Variants in HERC2 observed in about 807,000 individuals in gnomAD.
The protein encoded by HERC2 is HECT and RLD domain containing E3 ubiquitin protein ligase 2.
A neutral mutation model predicts 537.7 loss-of-function variants in HERC2; 102 were observed. That is an observed-to-expected ratio of 0.19 (90% CI 0.16 to 0.22). The LOEUF is 0.22. Ranked by LOEUF, HERC2 falls within the 10% of genes least tolerant of loss-of-function variation. The probability of loss-of-function intolerance (pLI) is 1.00; values close to 1 mark genes in which losing one functional copy is unlikely to be tolerated. For synonymous variants in HERC2, 2,224 were observed against 2,466.2 expected, an observed-to-expected ratio of 0.90 and a Z score of 2.91; for missense variants, 4,236 against 6,198.2, an observed-to-expected ratio of 0.68 and a Z score of 10.63.
intron 4 of HERC2, among the ~76,000 whole-genome samples, chr15:28,283,793 G>A (rs2076084518): frequency 6.6e-6 from 1 of 152,216 alleles, no homozygotes; most frequent in Non-Finnish European, 1.5e-5. Context: ...GAACGTCAAG[G>A]GAGGTAGTTT....
intron 21 of HERC2, among the ~76,000 whole-genome samples, chr15:28,248,098 C>T (rs767514114): frequency 8.6e-4 from 131 of 152,126 alleles, no homozygotes; most frequent in Non-Finnish European, 7.2e-4. Flanking sequence ...GTCTTTGGCC[C>T]CATTAGACTT....
At chr15:28,289,789 A>G (rs1198206346) in intron 4 of HERC2, among the ~76,000 whole-genome samples, 1 of 152,248 alleles carries the variant, frequency 6.6e-6, no homozygotes, top group African/African-American at 2.4e-5. Context: ...ACAAAAGGGA[A>G]ACACTGCACA....
intron 56 of HERC2, among the ~76,000 whole-genome samples, chr15:28,185,882 A>G (rs1896260545): frequency 6.6e-6 from 1 of 152,208 alleles, no homozygotes; most frequent in Non-Finnish European, 1.5e-5. Context: ...TGTTCATCAC[A>G]GTGTTCCCAG....
rs528413944 is a variant in HERC2 at position 28,177,223 on chromosome 15, C to A, written c.9255-96G>T. On this transcript the variant is annotated intron_variant, in intron 60 of 92. Transcript: ENST00000261609. This position sits in a 1 kb window ranked among gnomAD's most constrained non-coding sequence, Gnocchi z 5.0. ...TATACTGATCCACATGTAGTCAACACAGGATCCACAGATCAACTATCAAAA... is the reference window on the plus strand; with the variant it reads ...TATACTGATCCACATGTAGTCAACAAAGGATCCACAGATCAACTATCAAAA... The A allele has an allele frequency of 2.4e-4, 305 of 1,294,280 alleles. No homozygotes were observed. Among genetic ancestry groups the A allele is most frequent in the Middle Eastern group, 4.1e-4 (2 of 4,920 alleles). 80.2% of individuals were successfully genotyped at this position (1,294,280 alleles called of 1,614,324 possible).
intron 66 of HERC2, 47 bp from the exon 67 acceptor site, chr15:28,168,637 C>A (rs1198360035): frequency 1.3e-6 from 2 of 1,561,152 alleles, no homozygotes; most frequent in South Asian, 1.2e-5. Context: ...CCCTTCTCCA[C>A]TGCAGCACAG....
At chr15:28,273,724 G>C (rs979697194) in intron 7 of HERC2, among the ~76,000 whole-genome samples, 9 of 152,178 alleles carry the variant, frequency 5.9e-5, no homozygotes, top group South Asian at 2.1e-4. Context: ...AGTGAGGAGT[G>C]GCCTCACTTT....
At chr15:28,195,393 G>A (rs1252359972) in intron 52 of HERC2, among the ~76,000 whole-genome samples, 1 of 152,030 alleles carries the variant, frequency 6.6e-6, no homozygotes. Flanking sequence ...CCTAGGAGGC[G>A]GAGGTTGCAC....
intron 52 of HERC2, among the ~76,000 whole-genome samples, chr15:28,195,446 C>T (rs753761512): frequency 2.0e-5 from 3 of 152,046 alleles, no homozygotes; most frequent in Non-Finnish European, 4.4e-5. Flanking sequence ...GGGCGACAGA[C>T]TGAGACTCTG....
At position 28,272,397 on chromosome 15, in the gene HERC2, A is replaced by G. The variant is rs754588239; in HGVS notation, c.912-11T>C. On this transcript the variant is annotated splice_polypyrimidine_tract_variant and intron_variant, in intron 8 of 92. Transcript: ENST00000261609. ...GCAGACAACATTTGGCTAAAGGAGAAAAGATATTTATTCTAGTAAAAACAG... is the reference window on the plus strand; with the variant it reads ...GCAGACAACATTTGGCTAAAGGAGAGAAGATATTTATTCTAGTAAAAACAG... The G allele has an allele frequency of 1.2e-6, 2 of 1,606,786 alleles. No homozygotes were observed. The highest frequency in any genetic ancestry group is 1.1e-5 in the South Asian group (1 of 89,926).
intron 19 of HERC2, among the ~76,000 whole-genome samples, chr15:28,255,287 A>C (rs368533682): frequency 9.8e-4 from 150 of 152,294 alleles, no homozygotes; most frequent in African/African-American, 3.5e-3. Flanking sequence ...GTGAGCCAAC[A>C]TCAGGTCACT....
intron 4 of HERC2, among the ~76,000 whole-genome samples, chr15:28,281,503 T>C (rs1298911366): frequency 6.6e-6 from 1 of 152,086 alleles, no homozygotes; most frequent in Non-Finnish European, 1.5e-5. Flanking sequence ...TGCCTCCCCT[T>C]GTGCAGAAGA....
Position 28,268,759 on chromosome 15 carries a change from C to T in HERC2, c.1447-143G>A. ...AAGTCTCTGGGAACTACGGGGCCGG[C>T]TCTCCAGCCCTTCCCACCCAGCAGC... On this transcript the variant is annotated intron_variant, in intron 11 of 92. Coordinates refer to ENST00000261609, the MANE Select transcript of HERC2 (RefSeq NM_004667.6). This position sits in a 1 kb window ranked among gnomAD's most constrained non-coding sequence, Gnocchi z 4.7. 1 of 688,026 alleles carries T rather than the reference C, an allele frequency of 1.5e-6. No homozygotes were observed. Among genetic ancestry groups the T allele is most frequent in the Non-Finnish European group, 2.4e-6 (1 of 409,416 alleles). 42.6% of individuals were successfully genotyped at this position (688,026 alleles called of 1,614,324 possible). A position where few individuals can be genotyped will look rare whatever the true frequency, so the allele number is the denominator to read the frequency against.
chr15:28,152,857 A>C, intron 69 of HERC2, 27 bp from the exon 70 acceptor site: 1 of 1,552,932 alleles, frequency 6.4e-7, no homozygotes, highest in Non-Finnish European at 8.7e-7. Context: ...GACATGAATG[A>C]GGGGGCCAAC....
In HERC2 at chr15:28,168,029, G is replaced by A. The variant is rs150817329; in HGVS notation, c.10414-202C>T. Reference sequence around the variant, plus strand: ...GCCTAGGACAGTTTTGCAAAGTCAAGCACATTCATATTTTCAAGAATAACT... The same window carrying A: ...GCCTAGGACAGTTTTGCAAAGTCAAACACATTCATATTTTCAAGAATAACT... On this transcript the variant is annotated intron_variant, in intron 67 of 92. Transcript: ENST00000261609. Among the ~76,000 whole-genome samples, 39 of 152,262 alleles carry A rather than the reference G, an allele frequency of 2.6e-4. No individual in the cohort carries two copies. In the East Asian group the frequency reaches 7.5e-3, roughly 29 times the overall value.
chr15:28,301,163 C>T (rs1427316084), intron 2 of HERC2, among the ~76,000 whole-genome samples: 1 of 151,878 alleles, frequency 6.6e-6, no homozygotes, highest in Non-Finnish European at 1.5e-5. Context: ...GCCTATAATC[C>T]TAGCATTTTG....
chr15:28,295,847 T>G (rs1033781945), intron 3 of HERC2, among the ~76,000 whole-genome samples: 1 of 152,170 alleles, frequency 6.6e-6, no homozygotes, highest in African/African-American at 2.4e-5. Context: ...TAGTACTGTC[T>G]GTGGCTACTC....
chr15:28,216,313 ATT>A (rs201840469), intron 38 of HERC2, among the ~76,000 whole-genome samples: 1 of 147,866 alleles, frequency 6.8e-6, no homozygotes, highest in African/African-American at 2.5e-5. Context: ...CCACTTAAAT[ATT>A]TTTTTTTTTT....
Position 28,263,139 on chromosome 15 carries a change from T to C in HERC2, c.1901A>G (p.Tyr634Cys), listed in dbSNP as rs934494702. Residue 634 changes from tyrosine (Y) to cysteine (C), a missense_variant, in exon 15 of 93, where the codon TAT (tyrosine) becomes TGT (cysteine). Coordinates refer to ENST00000261609, the MANE Select transcript of HERC2 (RefSeq NM_004667.6). ...GQVWSWGDGD[Y>C]GKLGRGGSDG... ...ACTACCACCTCTGCCCAATTTCCCA[T>C]AGTCACCATCTCCCCAAGACCACAC... 9 of 1,613,408 alleles carry C rather than the reference T, an allele frequency of 5.6e-6. No individual in the cohort carries two copies. The highest frequency in any genetic ancestry group is 7.6e-6 in the Non-Finnish European group (9 of 1,179,340).
At chr15:28,197,525 A>G (rs1200000866) in intron 50 of HERC2, among the ~76,000 whole-genome samples, 1 of 152,152 alleles carries the variant, frequency 6.6e-6, no homozygotes, top group African/African-American at 2.4e-5. Flanking sequence ...AGGCTGAGGC[A>G]GGCGGATCAA....
Sources: allele counts gnomAD v4.1 joint callset (sites outside exome capture counted in the v4.1 genomes callset), GRCh38; gene constraint gnomAD v4.1.1; non-coding constraint Gnocchi (gnomAD v3.1); transcripts MANE v1.5; gene names NCBI Gene and HGNC (gene_info 2026-07-23, HGNC 2026-07-21).